The following FANCM variants were observed in gnomAD, a reference collection of about 807,000 sequenced individuals.
FANCM encodes the protein Fanconi anemia group M protein.
A neutral mutation model predicts 199.5 loss-of-function variants in FANCM; 140 were observed. That is an observed-to-expected ratio of 0.70 (90% confidence interval 0.61 to 0.81). FANCM has a LOEUF of 0.81. Among genes scored for constraint, FANCM ranks in the 30% least tolerant of loss-of-function variants. The pLI, the probability that FANCM is intolerant of heterozygous loss-of-function variation, is 0.00. For synonymous variants in FANCM, 840 were observed against 836.8 expected (o/e 1.00, Z -0.07); for missense variants, 2,410 against 2,421.4 (o/e 1.00, Z 0.10).
intron 22 of FANCM, among the ~76,000 whole-genome samples, chr14:45,199,600 C>T (rs1890251704): frequency 6.6e-6 from 1 of 152,190 alleles, no homozygotes; most frequent in Non-Finnish European, 1.5e-5. Context: ...AATACCATCA[C>T]ATTGGGATTA....
intron 20 of FANCM, 140 bp from the exon 21 acceptor site, chr14:45,196,030 TCC>T (rs940466676): frequency 1.2e-6 from 1 of 835,828 alleles, no homozygotes; most frequent in Non-Finnish European, 2.1e-6. Flanking sequence ...ACTTATGTGT[TCC>T]TTCATTTATT....
intron 2 of FANCM, 38 bp downstream of exon 2, chr14:45,137,279 G>A (rs2139107492): frequency 6.4e-7 from 1 of 1,568,542 alleles, no homozygotes; most frequent in South Asian, 1.1e-5. Flanking sequence ...TATTGTAACT[G>A]TACTGTTAAA....
intron 8 of FANCM, among the ~76,000 whole-genome samples, chr14:45,157,356 C>T (rs543316613): frequency 2.6e-5 from 4 of 152,074 alleles, no homozygotes; most frequent in Admixed American, 2.0e-4. Flanking sequence ...ATCAGGACAA[C>T]AGTTTAGAGA....
rs540504003 is a variant in FANCM at position 45,151,842 on chromosome 14, T to G, written c.1050+314T>G. On this transcript the variant is annotated intron_variant, in intron 5 of 22. Coordinates refer to ENST00000267430, the MANE Select transcript of FANCM (RefSeq NM_020937.4). ...CAGGGTAGGATTGCTTGAGCCTGGGTGGTCGAGGCTGCAGTGAGCTGTGAT... is the reference window on the plus strand; with the variant it reads ...CAGGGTAGGATTGCTTGAGCCTGGGGGGTCGAGGCTGCAGTGAGCTGTGAT... Among the ~76,000 whole-genome samples, 4 of 147,424 alleles carry G rather than the reference T, an allele frequency of 2.7e-5. No individual in the cohort carries two copies. The East Asian group carries it at 8.0e-4, about 29-fold the overall frequency.
At position 45,140,801 on chromosome 14, in the gene FANCM, G is replaced by A. The variant is rs147596049; in HGVS notation, c.759+92G>A. 123 of 840,816 alleles carry A rather than the reference G, an allele frequency of 1.5e-4. No homozygotes were observed. In the East Asian group the frequency reaches 2.5e-3, roughly 17 times the overall value. The allele number at this position is 840,816 out of a possible 1,614,324, so 52.1% of individuals were successfully genotyped here. ...CATACCTGTAATCCTAGTGCTTTGG[G>A]AGGTGGAGATGGGAGGATCACTTGA... On this transcript the variant is annotated intron_variant, in intron 3 of 22. Transcript: ENST00000267430.
rs1454944786 is a variant in FANCM, at chr14:45,176,728, A to T, written c.3974A>T (p.Tyr1325Phe). ...AATGAAGAATTGTTATCTCCTGGTT[A>T]TTCTCAGTTTTCTTTACCAGTGCAA... ...AKNEELLSPG[Y>F]SQFSLPVQKK... The change falls in exon 14 of 23, where the codon TAT (tyrosine) becomes TTT (phenylalanine). Residue 1325 changes from tyrosine to phenylalanine, a missense_variant. Physicochemically the swap from Tyr to Phe is conservative, Grantham distance 22. Transcript: ENST00000267430. 6.2e-7 allele frequency: 1 copy of T among 1,613,306 alleles called. No individual in the cohort carries two copies.
chr14:45,158,418 C>A (rs1427093471), intron 8 of FANCM, among the ~76,000 whole-genome samples: 1 of 151,820 alleles, frequency 6.6e-6, no homozygotes, highest in East Asian at 1.9e-4. Context: ...TTCTACTGCC[C>A]GCCACCCCCC....
Position 45,175,878 on chromosome 14 carries a change from G to T in FANCM, c.3124G>T (p.Ala1042Ser). Residue 1042 changes from alanine (A) to serine (S), a missense_variant, in exon 14 of 23, where the codon GCT becomes TCT. Physicochemically the swap from Ala to Ser is moderately conservative, Grantham distance 99. Coordinates refer to ENST00000267430, the MANE Select transcript of FANCM (RefSeq NM_020937.4). ...ATGCACCTGTTTGCTGTCACATTCA[G>T]CTGTGAATTCTCAACAGAATTTAGA... ...DKCTCLLSHS[A>S]VNSQQNLELN... 6.2e-7 allele frequency: 1 copy of T among 1,613,818 alleles called. No individual in the cohort carries two copies. The highest frequency in any genetic ancestry group is 8.5e-7 in the Non-Finnish European group (1 of 1,179,828).
intron 6 of FANCM, 100 bp downstream of exon 6, chr14:45,154,152 G>GTGCTGGGATTA: frequency 1.1e-6 from 1 of 911,968 alleles, no homozygotes; most frequent in Non-Finnish European, 1.7e-6. Flanking sequence ...TGTAATCCCA[G>GTGCTGGGATTA]CACTTTGGGA....
At chr14:45,148,600 C>T (rs1248129243) in intron 3 of FANCM, among the ~76,000 whole-genome samples, 2 of 152,074 alleles carry the variant, frequency 1.3e-5, no homozygotes, top group East Asian at 1.9e-4. Flanking sequence ...TCTTATTTCT[C>T]GGATGCTTGG....
At position 45,188,754 on chromosome 14, in the gene FANCM, GTTAA is replaced by G. The variant is rs199893343; in HGVS notation, c.4780-45_4780-42del. 2.0e-3 allele frequency: 2,730 copies of G among 1,370,814 alleles called. 40 individuals are homozygous for G. In the Admixed American group the frequency reaches 0.029, roughly 15 times the overall value. 84.9% of individuals were successfully genotyped at this position (1,370,814 alleles called of 1,614,324 possible). A position where few individuals can be genotyped will look rare whatever the true frequency, so the allele number is the denominator to read the frequency against. Reference sequence around the variant, plus strand: ...GCCTAGAAGTATATTTTAAATACCTGTTAATTGTCTGAAATAAATATAAAACATT... The same window carrying G: ...GCCTAGAAGTATATTTTAAATACCTGTTGTCTGAAATAAATATAAAACATT... On this transcript the variant is annotated intron_variant, in intron 19 of 22. Coordinates refer to ENST00000267430, the MANE Select transcript of FANCM (RefSeq NM_020937.4).
At chr14:45,155,482 A>G (rs772642008) in intron 8 of FANCM, 23 bp downstream of exon 8, 1 of 1,209,710 alleles carries the variant, frequency 8.3e-7, no homozygotes, top group Non-Finnish European at 1.2e-6. Context: ...TAGTAGCTTT[A>G]AGGCAAGACA....
chr14:45,193,170 G>A (rs1242600361), intron 20 of FANCM, among the ~76,000 whole-genome samples: 1 of 152,174 alleles, frequency 6.6e-6, no homozygotes, highest in East Asian at 1.9e-4. Flanking sequence ...CTTAGGTGAA[G>A]ACCACAGATC....
At position 45,200,089 on chromosome 14, in the gene FANCM, T is replaced by C; in HGVS notation, c.*81T>C. 1.3e-6 allele frequency: 1 copy of C among 794,276 alleles called. No individual in the cohort carries two copies. Among genetic ancestry groups the C allele is most frequent in the Non-Finnish European group, 2.0e-6 (1 of 507,668 alleles). 49.2% of individuals were successfully genotyped at this position (794,276 alleles called of 1,614,324 possible). On this transcript the variant is annotated 3_prime_UTR_variant, in exon 23 of 23. Coordinates refer to ENST00000267430, the MANE Select transcript of FANCM (RefSeq NM_020937.4). ...AATAATCATTGCTGTTTTATGTTTA[T>C]TTGTAAATAAGAGAATATTTTATTT...
At chr14:45,177,745 C>A (rs1888806536) in intron 14 of FANCM, among the ~76,000 whole-genome samples, 1 of 151,982 alleles carries the variant, frequency 6.6e-6, no homozygotes, top group African/African-American at 2.4e-5. Flanking sequence ...AATATTTATG[C>A]TTTTGGTATG....
chr14:45,136,628 C>G, intron 1 of FANCM, 89 bp downstream of exon 1: 1 of 1,255,992 alleles, frequency 8.0e-7, no homozygotes, highest in Non-Finnish European at 1.1e-6. Context: ...GTGCATCTTA[C>G]GCCCTCCCTC....
At position 45,164,450 on chromosome 14, in the gene FANCM, T is replaced by C. The variant is rs1300909288; in HGVS notation, c.1673T>C (p.Ile558Thr). 6.2e-7 allele frequency: 1 copy of C among 1,613,526 alleles called. No homozygotes were observed. The highest frequency in any genetic ancestry group is 8.5e-7 in the Non-Finnish European group (1 of 1,179,922). The change falls in exon 10 of 23, where the codon ATA becomes ACA. Residue 558 changes from isoleucine (I) to threonine (T), a missense_variant. Physicochemically the swap from Ile to Thr is moderately conservative, Grantham distance 89 (BLOSUM62 -1). Coordinates refer to ENST00000267430, the MANE Select transcript of FANCM (RefSeq NM_020937.4). Reference sequence around the variant, plus strand: ...TTGGATATAGGAGAAGTTGATCTTATAATATGTTTTGATTCCCAGAAGAGC... The same window carrying C: ...TTGGATATAGGAGAAGTTGATCTTACAATATGTTTTGATTCCCAGAAGAGC... ...EGLDIGEVDL[I>T]ICFDSQKSPI...
chr14:45,136,555 C>G lies in FANCM; in HGVS notation c.508+16C>G. 1 of 1,611,458 alleles carries G rather than the reference C, an allele frequency of 6.2e-7. No individual in the cohort carries two copies. Among genetic ancestry groups the G allele is most frequent in the Non-Finnish European group, 8.5e-7 (1 of 1,179,452 alleles). On this transcript the variant is annotated intron_variant, in intron 1 of 22. Transcript: ENST00000267430. ...GAAATGACAGGTATCTTAGACTGGA[C>G]TAATTTTGAAGTAAGAGCTGGGAAT...
At chr14:45,136,841 C>G (rs1410772690) in intron 1 of FANCM, among the ~76,000 whole-genome samples, 1 of 152,134 alleles carries the variant, frequency 6.6e-6, no homozygotes, top group African/African-American at 2.4e-5. Context: ...TCAAATATGC[C>G]ATTTTGTAGG....
Sources: gnomAD v4.1 joint callset for allele counts (sites outside exome capture counted in the v4.1 genomes callset) on GRCh38, gnomAD v4.1.1 for gene constraint, MANE v1.5 for transcripts, NCBI Gene and HGNC (gene_info 2026-07-23, HGNC 2026-07-21) for gene names.